The following CCDC134 variants were observed in gnomAD, a reference collection of about 807,000 sequenced individuals.
CCDC134 encodes the protein coiled-coil domain-containing protein 134.
A neutral mutation model predicts 25.6 loss-of-function variants in CCDC134; 27 were observed. The observed-to-expected ratio is 1.05, with a 90% CI of 0.78 to 1.45. The LOEUF (loss-of-function observed/expected upper bound fraction) is 1.45, where lower values mean the gene tolerates loss of function less well. CCDC134 is among the 40% of genes most tolerant of loss of function. The probability of loss-of-function intolerance (pLI) is 0.00; values close to 1 mark genes in which losing one functional copy is unlikely to be tolerated. For missense variants in CCDC134, 261 were observed against 286.7 expected (o/e 0.91, Z 0.65); for synonymous variants, 110 against 115.0 (o/e 0.96, Z 0.28).
chr22:41,813,871 A>G (rs750652970), intron 6 of CCDC134, 49 bp downstream of exon 6: 1 of 1,560,024 alleles, frequency 6.4e-7, no homozygotes, highest in East Asian at 2.2e-5. Context: ...CTGCTGGGCC[A>G]TAGGACACCG....
At chr22:41,811,860 C>T (rs1328940637) in intron 4 of CCDC134, among the ~76,000 whole-genome samples, 2 of 152,098 alleles carry the variant, frequency 1.3e-5, no homozygotes, top group African/African-American at 2.4e-5. Flanking sequence ...TCTATGCTAC[C>T]GGCATTGTTT....
chr22:41,821,807 C>G (rs1285147098), intron 6 of CCDC134, among the ~76,000 whole-genome samples: 1 of 152,076 alleles, frequency 6.6e-6, no homozygotes, highest in Non-Finnish European at 1.5e-5. Context: ...TAACCTTGAA[C>G]AGGAGGGCGG....
At chr22:41,812,095 C>A (rs2148310827) in intron 4 of CCDC134, among the ~76,000 whole-genome samples, 1 of 152,194 alleles carries the variant, frequency 6.6e-6, no homozygotes, top group Non-Finnish European at 1.5e-5. Context: ...CTGTTAATTT[C>A]CTGGTTTAGA....
chr22:41,824,002 C>T (rs1189420831), intron 6 of CCDC134, among the ~76,000 whole-genome samples: 1 of 152,200 alleles, frequency 6.6e-6, no homozygotes, highest in Non-Finnish European at 1.5e-5. Flanking sequence ...ACGTGGCTTG[C>T]TCATTCATTG....
chr22:41,820,522 T>C (rs76727619), intron 6 of CCDC134, among the ~76,000 whole-genome samples: 8,309 of 152,182 alleles, frequency 0.055, 711 homozygotes, highest in African/African-American at 0.19. Flanking sequence ...GACACAGGTG[T>C]GGAGGCTGCT....
chr22:41,825,556 C>T lies in CCDC134; in HGVS notation c.565-142C>T. ...TCCAACACCCACTCAGCAGTTCTCC[C>T]AAACCCATTTCCTGTCTCCGTGTCT... On this transcript the variant is annotated intron_variant, in intron 6 of 6. Transcript: ENST00000255784. This position sits in a 1 kb window ranked among gnomAD's most constrained non-coding sequence, Gnocchi z 4.4. 3 of 1,119,634 alleles carry T rather than the reference C, an allele frequency of 2.7e-6. No individual in the cohort carries two copies. Among genetic ancestry groups the T allele is most frequent in the Non-Finnish European group, 3.8e-6 (3 of 787,764 alleles). 69.4% of individuals were successfully genotyped at this position (1,119,634 alleles called of 1,614,324 possible). A position where few individuals can be genotyped will look rare whatever the true frequency, so the allele number is the denominator to read the frequency against.
intron 4 of CCDC134, among the ~76,000 whole-genome samples, chr22:41,812,073 A>G (rs1387055246): frequency 6.6e-6 from 1 of 152,188 alleles, no homozygotes; most frequent in East Asian, 1.9e-4. Context: ...GTTAGTTGGT[A>G]GTATTGTATT....
rs879840082 is a variant in CCDC134 at position 41,821,128 on chromosome 22, T to C, written c.565-4570T>C. Among the ~76,000 whole-genome samples, 10 of 152,158 alleles carry C rather than the reference T, an allele frequency of 6.6e-5. No homozygotes were observed. The East Asian group carries it at 1.2e-3, about 18-fold the overall frequency. On this transcript the variant is annotated intron_variant, in intron 6 of 6. Transcript: ENST00000255784. ...AGGGAGCGATCGGTGTGTCAGACGC[T>C]GCTGGGAGGTAAGGAAGGCGAGGAC...
rs2076712056 is a variant in CCDC134 at position 41,831,699 on chromosome 22, G to C, written c.*5876G>C. The C allele has an allele frequency of 6.6e-6, 1 of 152,204 alleles. No individual in the cohort carries two copies. The highest frequency in any genetic ancestry group is 1.5e-5 in the Non-Finnish European group (1 of 68,052). 9.4% of individuals were successfully genotyped at this position (152,204 alleles called of 1,614,324 possible). On this transcript the variant is annotated 3_prime_UTR_variant, in exon 7 of 7. Transcript: ENST00000255784. ...CTTCAGAGGCTTCTTGACAGCACAAGTCAGGGCCCTTGTTAGTTTCATCAC... is the reference window on the plus strand; with the variant it reads ...CTTCAGAGGCTTCTTGACAGCACAACTCAGGGCCCTTGTTAGTTTCATCAC...
chr22:41,808,788 G>A lies in CCDC134; in HGVS notation c.-16-87G>A, dbSNP rs191080203. 1,741 of 1,046,488 alleles carry A rather than the reference G, an allele frequency of 1.7e-3. 11 individuals are homozygous for A. Among genetic ancestry groups the A allele is most frequent in the Middle Eastern group, 5.0e-3 (24 of 4,838 alleles). 64.8% of individuals were successfully genotyped at this position (1,046,488 alleles called of 1,614,324 possible). On this transcript the variant is annotated intron_variant, in intron 1 of 6. Transcript: ENST00000255784. ...TGGTATACAGAGGCTGCACTATGTC[G>A]GGGGAAGCTGCTGTTCACCTGTGCA...
intron 1 of CCDC134, among the ~76,000 whole-genome samples, chr22:41,807,210 A>G (rs549740856): frequency 1.3e-5 from 2 of 152,330 alleles, no homozygotes; most frequent in African/African-American, 4.8e-5. Context: ...TTGTTTTTCT[A>G]GGCCCTCAAG....
intron 6 of CCDC134, among the ~76,000 whole-genome samples, chr22:41,818,121 G>C (rs963979429): frequency 6.6e-6 from 1 of 152,202 alleles, no homozygotes; most frequent in Non-Finnish European, 1.5e-5. Context: ...AATCAGCAAA[G>C]GGAAAAGGTG....
At chr22:41,802,975 G>T (rs911790801) in intron 1 of CCDC134, among the ~76,000 whole-genome samples, 11 of 151,902 alleles carry the variant, frequency 7.2e-5, no homozygotes, top group African/African-American at 2.7e-4. Flanking sequence ...TTAGCCGGGC[G>T]TGGTGGCACA....
At chr22:41,803,869 C>G (rs577802814) in intron 1 of CCDC134, among the ~76,000 whole-genome samples, 5 of 152,154 alleles carry the variant, frequency 3.3e-5, no homozygotes, top group East Asian at 3.8e-4. Flanking sequence ...TGGTGGCTCA[C>G]GCCTGTAATC....
intron 6 of CCDC134, among the ~76,000 whole-genome samples, chr22:41,819,572 G>C (rs571013609): frequency 6.6e-6 from 1 of 152,260 alleles, no homozygotes; most frequent in South Asian, 2.1e-4. Flanking sequence ...TCCTGGGAGT[G>C]GCATTCTAGT....
At chr22:41,806,171 T>C (rs185320246) in intron 1 of CCDC134, among the ~76,000 whole-genome samples, 26 of 151,972 alleles carry the variant, frequency 1.7e-4, no homozygotes, top group African/African-American at 6.0e-4. Flanking sequence ...TGACAAAGAC[T>C]TGGAACAACC....
intron 6 of CCDC134, among the ~76,000 whole-genome samples, chr22:41,819,963 T>TTATATATATATATATATATATATA (rs34213936): frequency 1.9e-4 from 16 of 82,604 alleles, no homozygotes; most frequent in African/African-American, 8.5e-4. Flanking sequence ...ACTTACCACT[T>TTATATATATATATATATATATATA]TATATATATA....
Position 41,825,611 on chromosome 22 carries a change from C to A in CCDC134, c.565-87C>A. On this transcript the variant is annotated intron_variant, in intron 6 of 6. Transcript: ENST00000255784. This position sits in a 1 kb window ranked among gnomAD's most constrained non-coding sequence, Gnocchi z 4.4. The stretch of plus-strand genomic sequence containing the variant: ...CAGGGCCTGTGTCCAGGGAACCTTC[C>A]TATTCCCACACCCCGCTGGTGGCCT... The A allele has an allele frequency of 6.4e-7, 1 of 1,553,442 alleles. No individual in the cohort carries two copies. Among genetic ancestry groups the A allele is most frequent in the Non-Finnish European group, 8.8e-7 (1 of 1,140,194 alleles).
chr22:41,810,489 C>CTTTTTT (rs960666358), intron 4 of CCDC134, among the ~76,000 whole-genome samples, 198 bp downstream of exon 4: 271 of 86,616 alleles, frequency 3.1e-3, no homozygotes, highest in African/African-American at 5.3e-3. Flanking sequence ...AATAGCATTT[C>CTTTTTT]TTTTTTTTTT....
Sources: allele counts gnomAD v4.1 joint callset (sites outside exome capture counted in the v4.1 genomes callset), GRCh38; gene constraint gnomAD v4.1.1; non-coding constraint Gnocchi (gnomAD v3.1); transcripts MANE v1.5; gene names NCBI Gene and HGNC (gene_info 2026-07-23, HGNC 2026-07-21).